The following COL25A1 variants were observed in gnomAD, a reference collection of about 807,000 sequenced individuals.
COL25A1 encodes the protein collagen alpha-1(XXV) chain.
In COL25A1, 103 loss-of-function variants were observed where a neutral mutation model predicts 128.4. The observed-to-expected ratio is 0.80, with a 90% CI of 0.68 to 0.94. The LOEUF (loss-of-function observed/expected upper bound fraction) is 0.94, where lower values mean the gene tolerates loss of function less well. COL25A1 is among the 40% of genes least tolerant of loss of function. The probability of loss-of-function intolerance (pLI) is 0.00; values close to 1 mark genes in which losing one functional copy is unlikely to be tolerated. For synonymous variants in COL25A1, 279 were observed against 277.2 expected, an observed-to-expected ratio of 1.01 and a Z score of -0.06; for missense variants, 745 against 840.0, an observed-to-expected ratio of 0.89 and a Z score of 1.40.
intron 11 of COL25A1, among the ~76,000 whole-genome samples, chr4:108,925,536 T>C (rs1745949243): frequency 6.6e-6 from 1 of 152,140 alleles, no homozygotes; most frequent in Admixed American, 6.6e-5. Flanking sequence ...AAGTAGGAGA[T>C]GGGGATACAA....
chr4:108,809,183 AAT>A lies in COL25A1; in HGVS notation c.*4742_*4743del, dbSNP rs1406767393. 9.0e-6 allele frequency: 1 copy of A among 110,804 alleles called. No homozygotes were observed. Among genetic ancestry groups the A allele is most frequent in the Non-Finnish European group, 2.2e-5 (1 of 46,000 alleles). 6.9% of individuals were successfully genotyped at this position (110,804 alleles called of 1,614,324 possible). A position where few individuals can be genotyped will look rare whatever the true frequency, so the allele number is the denominator to read the frequency against. ...AAATATGCAGTGTAATGCTTGCCAA[AAT>A]ATTTTTTTTTGCATATTTCACTTAT... On this transcript the variant is annotated 3_prime_UTR_variant, in exon 38 of 38. Coordinates refer to ENST00000399132, the MANE Select transcript of COL25A1 (RefSeq NM_198721.4).
intron 3 of COL25A1, among the ~76,000 whole-genome samples, chr4:109,096,948 C>T (rs1031258349): frequency 1.8e-4 from 27 of 152,096 alleles, no homozygotes; most frequent in Non-Finnish European, 2.4e-4. Flanking sequence ...AATGAGAGCT[C>T]CCACTGGGCA....
intron 8 of COL25A1, among the ~76,000 whole-genome samples, chr4:108,952,595 T>C (rs1331869468): frequency 1.3e-5 from 2 of 152,112 alleles, no homozygotes; most frequent in African/African-American, 4.8e-5. Context: ...TAGCATGCAA[T>C]ACAATAATAT....
intron 3 of COL25A1, among the ~76,000 whole-genome samples, chr4:109,272,632 C>T (rs921612692): frequency 1.3e-5 from 2 of 152,156 alleles, no homozygotes; most frequent in South Asian, 4.1e-4. Context: ...GGACAAGGCA[C>T]TGTGGGAGTT....
intron 3 of COL25A1, among the ~76,000 whole-genome samples, chr4:109,296,896 A>G (rs1031137434): frequency 6.6e-6 from 1 of 152,104 alleles, no homozygotes. Context: ...ACCTTCTCAT[A>G]GATATGCCTG....
At chr4:109,162,924 G>A (rs371247455) in intron 3 of COL25A1, among the ~76,000 whole-genome samples, 7 of 152,142 alleles carry the variant, frequency 4.6e-5, no homozygotes, top group Non-Finnish European at 7.4e-5. Flanking sequence ...TGGATAAGTC[G>A]TTCTCTCTTC....
chr4:109,224,977 T>C (rs183430486), intron 3 of COL25A1, among the ~76,000 whole-genome samples: 33 of 152,102 alleles, frequency 2.2e-4, no homozygotes, highest in African/African-American at 7.7e-4. Flanking sequence ...CAAGCATACA[T>C]ACAAATACCT....
intron 6 of COL25A1, among the ~76,000 whole-genome samples, chr4:108,994,130 G>A (rs1447948318): frequency 1.3e-5 from 2 of 152,174 alleles, no homozygotes; most frequent in Non-Finnish European, 2.9e-5. Flanking sequence ...CCCACAGAGG[G>A]CTACCTGAAG....
intron 3 of COL25A1, among the ~76,000 whole-genome samples, chr4:109,299,912 C>T (rs1309195422): frequency 2.0e-5 from 3 of 152,114 alleles, no homozygotes; most frequent in African/African-American, 7.2e-5. Flanking sequence ...TCCTTCTTCT[C>T]TGTCCTTCTA....
At chr4:108,895,527 A>G (rs1289682827) in intron 16 of COL25A1, among the ~76,000 whole-genome samples, 1 of 152,188 alleles carries the variant, frequency 6.6e-6, no homozygotes, top group Non-Finnish European at 1.5e-5. Flanking sequence ...ATAAGAAGAG[A>G]GGAGGCAGAA....
At chr4:109,037,760 C>T (rs1057040312) in intron 5 of COL25A1, among the ~76,000 whole-genome samples, 1 of 152,160 alleles carries the variant, frequency 6.6e-6, no homozygotes, top group Non-Finnish European at 1.5e-5. Flanking sequence ...TTGCTGACAG[C>T]TATAAAGTAA....
chr4:108,996,478 C>T (rs1268958210), intron 6 of COL25A1, among the ~76,000 whole-genome samples: 1 of 152,012 alleles, frequency 6.6e-6, no homozygotes, highest in Non-Finnish European at 1.5e-5. Flanking sequence ...AAAGCACATC[C>T]TTAGAGACCT....
At chr4:109,234,829 T>A (rs891923157) in intron 3 of COL25A1, among the ~76,000 whole-genome samples, 2 of 152,008 alleles carry the variant, frequency 1.3e-5, no homozygotes, top group Non-Finnish European at 2.9e-5. Flanking sequence ...CCTATTCCCA[T>A]CCCGTTCTTC....
chr4:109,158,883 C>A (rs1772283928), intron 3 of COL25A1, among the ~76,000 whole-genome samples: 1 of 152,148 alleles, frequency 6.6e-6, no homozygotes, highest in Admixed American at 6.5e-5. Flanking sequence ...ATTTAAGCAT[C>A]CAATGTTAAC....
chr4:108,824,330 A>T, intron 34 of COL25A1, 103 bp from the exon 35 acceptor site: 1 of 797,912 alleles, frequency 1.3e-6, no homozygotes. Context: ...CTTAAATATA[A>T]CAAGAAATGG....
chr4:108,963,114 T>G (rs1409910755), intron 8 of COL25A1, among the ~76,000 whole-genome samples: 5 of 152,328 alleles, frequency 3.3e-5, no homozygotes, highest in African/African-American at 9.6e-5. Flanking sequence ...GAACATCATC[T>G]GTCAATGCAT....
At chr4:108,974,659 A>C in intron 6 of COL25A1, 100 bp from the exon 7 acceptor site, 1 of 968,818 alleles carries the variant, frequency 1.0e-6, no homozygotes, top group Non-Finnish European at 1.5e-6. Flanking sequence ...AAGAATACAG[A>C]GATAGCTGTC....
chr4:108,915,927 A>G (rs151147647), intron 13 of COL25A1, among the ~76,000 whole-genome samples: 1 of 152,202 alleles, frequency 6.6e-6, no homozygotes, highest in Admixed American at 6.5e-5. Flanking sequence ...GATTCCAGAA[A>G]AACAAAGTCT....
intron 3 of COL25A1, among the ~76,000 whole-genome samples, chr4:109,089,578 A>G (rs944292060): frequency 6.6e-6 from 1 of 152,130 alleles, no homozygotes; most frequent in Non-Finnish European, 1.5e-5. Context: ...GGACAGTTAC[A>G]TCTATTATTT....
Sources: gnomAD v4.1 joint callset for allele counts (sites outside exome capture counted in the v4.1 genomes callset) on GRCh38, gnomAD v4.1.1 for gene constraint, MANE v1.5 for transcripts, NCBI Gene and HGNC (gene_info 2026-07-23, HGNC 2026-07-21) for gene names.